The following SLC60A1 variants were observed in gnomAD, a reference collection of about 807,000 sequenced individuals.
SLC60A1 encodes the protein major facilitator superfamily domain containing 4.
the SLC60A1 span, chr1:205,569,381 G>A: frequency 1.0e-6 from 1 of 976,938 alleles, no homozygotes; most frequent in Non-Finnish European, 1.3e-6. Context: ...CCCGCCCCGC[G>A]ACCCGGCCTC....
chr1:205,598,152 C>G, the SLC60A1 span: 2,186 of 310,708 alleles, frequency 7.0e-3, 14 homozygotes, highest in Non-Finnish European at 0.011. Flanking sequence ...GCTCTCAGAG[C>G]CTGAGATGGG....
the SLC60A1 span, chr1:205,580,082 T>A: frequency 1.0e-6 from 1 of 967,674 alleles, no homozygotes; most frequent in Non-Finnish European, 1.5e-6. The surrounding 1 kb of genome is among the most constrained non-coding windows in gnomAD (Gnocchi z 5.0). Context: ...TAGACTCGGT[T>A]TTCCCATCTC....
chr1:205,581,009 A>G, the SLC60A1 span: 1 of 1,494,220 alleles, frequency 6.7e-7, no homozygotes, highest in Non-Finnish European at 9.0e-7. This position sits in a 1 kb window ranked among gnomAD's most constrained non-coding sequence, Gnocchi z 4.2. Context: ...GATTCTTCAG[A>G]TGCTGAGAAA....
chr1:205,577,698 A>G, the SLC60A1 span, among the ~76,000 whole-genome samples: 1 of 152,150 alleles, frequency 6.6e-6, no homozygotes, highest in East Asian at 1.9e-4. The surrounding 1 kb of genome is among the most constrained non-coding windows in gnomAD (Gnocchi z 5.2). Context: ...GAGTGGAGCC[A>G]TTAGCGAGTA....
chr1:205,586,298 A>G, the SLC60A1 span: 4 of 1,455,952 alleles, frequency 2.7e-6, no homozygotes, highest in African/African-American at 5.7e-5. Context: ...GCCCAGGCCT[A>G]CATTCTGCCA....
chr1:205,600,238 TC>T, the SLC60A1 span: 1 of 592,186 alleles, frequency 1.7e-6, no homozygotes, highest in Non-Finnish European at 3.0e-6. Flanking sequence ...GGAAACTGCC[TC>T]CACCAACTGT....
the SLC60A1 span, chr1:205,599,092 T>A: frequency 2.5e-6 from 4 of 1,611,426 alleles, no homozygotes; most frequent in African/African-American, 5.4e-5. Context: ...CCACGTGAAG[T>A]TTTAATTGTC....
the SLC60A1 span, chr1:205,569,381 G>T: frequency 1.0e-6 from 1 of 976,944 alleles, no homozygotes; most frequent in South Asian, 3.2e-5. Flanking sequence ...CCCGCCCCGC[G>T]ACCCGGCCTC....
chr1:205,581,986 T>G, the SLC60A1 span, among the ~76,000 whole-genome samples: 1 of 152,230 alleles, frequency 6.6e-6, no homozygotes, highest in Non-Finnish European at 1.5e-5. The surrounding 1 kb of genome is among the most constrained non-coding windows in gnomAD (Gnocchi z 4.2). Flanking sequence ...GCATAGACCA[T>G]CTACCTGCTG....
At chr1:205,594,137 G>A in the SLC60A1 span, among the ~76,000 whole-genome samples, 1 of 152,128 alleles carries the variant, frequency 6.6e-6, no homozygotes, top group Non-Finnish European at 1.5e-5. Context: ...GGCCCCACGG[G>A]ACATGGCCAA....
chr1:205,586,310 C>G, the SLC60A1 span: 1 of 1,376,580 alleles, frequency 7.3e-7, no homozygotes, highest in Non-Finnish European at 1.0e-6. Flanking sequence ...ATTCTGCCAG[C>G]AGGATGGGAA....
chr1:205,573,194 T>C, the SLC60A1 span, among the ~76,000 whole-genome samples: 3 of 152,080 alleles, frequency 2.0e-5, no homozygotes. Flanking sequence ...GTAGATCACC[T>C]GAGGTCAGGA....
chr1:205,569,358 C>A, the SLC60A1 span: 2 of 1,236,542 alleles, frequency 1.6e-6, no homozygotes, highest in Non-Finnish European at 2.1e-6. Flanking sequence ...CCTCGCCGGG[C>A]CGACCCTTCC....
chr1:205,586,273 T>C, the SLC60A1 span: 1 of 1,569,740 alleles, frequency 6.4e-7, no homozygotes, highest in South Asian at 1.1e-5. Flanking sequence ...CTCCTGGCCC[T>C]ACCCCAGGAC....
the SLC60A1 span, chr1:205,600,383 C>G: frequency 6.2e-7 from 1 of 1,612,662 alleles, no homozygotes; most frequent in Non-Finnish European, 8.5e-7. Context: ...AAACATGCTA[C>G]CTGTTTTGTT....
At chr1:205,591,414 C>CGAG in the SLC60A1 span, among the ~76,000 whole-genome samples, 3 of 144,294 alleles carry the variant, frequency 2.1e-5, no homozygotes, top group African/African-American at 7.9e-5. Context: ...CCCTGTAGGT[C>CGAG]GAGGCTGCAG....
chr1:205,577,154 T>C, the SLC60A1 span, among the ~76,000 whole-genome samples: 6 of 152,196 alleles, frequency 3.9e-5, no homozygotes, highest in African/African-American at 1.4e-4. This position sits in a 1 kb window ranked among gnomAD's most constrained non-coding sequence, Gnocchi z 5.2. Context: ...ACCCCTTCTC[T>C]TTTTCCCAAT....
the SLC60A1 span, among the ~76,000 whole-genome samples, chr1:205,599,451 A>T: frequency 6.6e-6 from 1 of 152,176 alleles, no homozygotes; most frequent in Non-Finnish European, 1.5e-5. Context: ...CTGGACTCTT[A>T]AGATAGGCGA....
chr1:205,578,002 C>G, the SLC60A1 span, among the ~76,000 whole-genome samples: 19 of 152,232 alleles, frequency 1.2e-4, no homozygotes, highest in Non-Finnish European at 2.2e-4. Context: ...CTCTGCGCAG[C>G]CCCTGCCCCT....
Sources: gnomAD v4.1 joint callset for allele counts (sites outside exome capture counted in the v4.1 genomes callset) on GRCh38, gnomAD v4.1.1 for gene constraint, Gnocchi (gnomAD v3.1) non-coding constraint, MANE v1.5 for transcripts, NCBI Gene and HGNC (gene_info 2026-07-23, HGNC 2026-07-21) for gene names.